The following FCHSD2 variants were observed in gnomAD, a reference collection of about 807,000 sequenced individuals.
FCHSD2 encodes F-BAR and double SH3 domains protein 2.
In FCHSD2, 38 loss-of-function variants were observed where a neutral mutation model predicts 108.1. The ratio of observed to expected loss-of-function variants is 0.35; its 90% CI spans 0.27 to 0.46. The LOEUF is 0.46. Ranked by LOEUF, FCHSD2 falls within the 20% of genes least tolerant of loss-of-function variation. The pLI, the probability that FCHSD2 is intolerant of heterozygous loss-of-function variation, is 1.00. For missense variants in FCHSD2, 751 were observed against 897.8 expected, an observed-to-expected ratio of 0.84 and a Z score of 2.09; for synonymous variants, 279 against 314.7, an observed-to-expected ratio of 0.89 and a Z score of 1.20.
chr11:73,108,703 G>A (rs555868653), intron 2 of FCHSD2, among the ~76,000 whole-genome samples: 1 of 152,178 alleles, frequency 6.6e-6, no homozygotes, highest in Non-Finnish European at 1.5e-5. Flanking sequence ...CGAGTAGCTG[G>A]GACTACAGGC....
chr11:73,107,261 G>C (rs368271488), intron 2 of FCHSD2, among the ~76,000 whole-genome samples: 13 of 152,246 alleles, frequency 8.5e-5, no homozygotes, highest in African/African-American at 2.9e-4. Context: ...CACCATGTTG[G>C]CCAGGATAGT....
chr11:72,873,315 T>A (rs1854902168), intron 12 of FCHSD2, among the ~76,000 whole-genome samples: 2 of 150,350 alleles, frequency 1.3e-5, no homozygotes, highest in Non-Finnish European at 3.0e-5. Flanking sequence ...GGCAATGGTG[T>A]GAGACTCTGT....
intron 13 of FCHSD2, among the ~76,000 whole-genome samples, chr11:72,867,461 T>G (rs1854753217): frequency 6.6e-6 from 1 of 152,178 alleles, no homozygotes; most frequent in East Asian, 1.9e-4. Flanking sequence ...AGAAGAACAT[T>G]CCTTTCACTT....
intron 3 of FCHSD2, among the ~76,000 whole-genome samples, chr11:73,020,324 C>T (rs1477928664): frequency 6.6e-6 from 1 of 152,188 alleles, no homozygotes; most frequent in East Asian, 1.9e-4. Context: ...ATGGCTCTAG[C>T]ACAGGTAATT....
At chr11:72,986,103 G>A (rs559133725) in intron 6 of FCHSD2, among the ~76,000 whole-genome samples, 10 of 152,034 alleles carry the variant, frequency 6.6e-5, no homozygotes, top group Non-Finnish European at 1.2e-4. Flanking sequence ...AAACATTCAG[G>A]GATGAACACA....
intron 2 of FCHSD2, among the ~76,000 whole-genome samples, chr11:73,116,514 A>C (rs2135552375): frequency 6.6e-6 from 1 of 152,280 alleles, no homozygotes; most frequent in South Asian, 2.1e-4. Context: ...GTGCATTATC[A>C]AAAGTCATAA....
intron 2 of FCHSD2, among the ~76,000 whole-genome samples, chr11:73,135,480 A>T (rs1411833558): frequency 1.3e-5 from 2 of 152,232 alleles, no homozygotes; most frequent in Non-Finnish European, 2.9e-5. Context: ...AATTTTTCTT[A>T]ACTAACTCTA....
At chr11:73,130,805 A>C (rs1444007814) in intron 2 of FCHSD2, among the ~76,000 whole-genome samples, 1 of 152,180 alleles carries the variant, frequency 6.6e-6, no homozygotes, top group African/African-American at 2.4e-5. Context: ...TTACATTTAA[A>C]TTTTATTTAG....
intron 3 of FCHSD2, among the ~76,000 whole-genome samples, chr11:73,041,630 T>A (rs577181480): frequency 4.4e-4 from 67 of 152,296 alleles, no homozygotes; most frequent in African/African-American, 1.5e-3. Context: ...GTTTCTTATA[T>A]ATTCTGGATA....
intron 3 of FCHSD2, among the ~76,000 whole-genome samples, chr11:73,026,194 G>T (rs1858225488): frequency 6.6e-6 from 1 of 152,088 alleles, no homozygotes; most frequent in African/African-American, 2.4e-5. Flanking sequence ...GACCAGGATG[G>T]TCTCAAATTC....
chr11:73,021,927 C>T (rs1858118941), intron 3 of FCHSD2, among the ~76,000 whole-genome samples: 1 of 151,908 alleles, frequency 6.6e-6, no homozygotes, highest in African/African-American at 2.4e-5. Context: ...AAAAAATTTT[C>T]CAGGCCTGGT....
intron 9 of FCHSD2, among the ~76,000 whole-genome samples, chr11:72,905,682 T>A (rs542352851): frequency 6.6e-6 from 1 of 151,652 alleles, no homozygotes; most frequent in Non-Finnish European, 1.5e-5. Context: ...AGTGAGAACA[T>A]GCAGTGTTTG....
intron 4 of FCHSD2, among the ~76,000 whole-genome samples, chr11:73,003,697 G>A (rs982023860): frequency 2.4e-4 from 37 of 151,202 alleles, no homozygotes; most frequent in African/African-American, 6.8e-4. Context: ...CGTTTTAGCC[G>A]GGATGGTCTC....
chr11:72,983,051 T>C (rs1327894386), intron 8 of FCHSD2, among the ~76,000 whole-genome samples: 1 of 151,722 alleles, frequency 6.6e-6, no homozygotes, highest in South Asian at 2.1e-4. Context: ...TCCCAGCACT[T>C]TGGGAGGCTG....
chr11:72,840,678 T>A (rs1036899565), intron 19 of FCHSD2, among the ~76,000 whole-genome samples, 199 bp downstream of exon 19: 23 of 152,208 alleles, frequency 1.5e-4, no homozygotes, highest in Non-Finnish European at 4.4e-5. Flanking sequence ...TGAAAAAAGT[T>A]CCAGTGTAGA....
At chr11:72,928,897 G>A (rs918984625) in intron 8 of FCHSD2, among the ~76,000 whole-genome samples, 6 of 138,238 alleles carry the variant, frequency 4.3e-5, no homozygotes, top group African/African-American at 1.4e-4. Flanking sequence ...AACAGTCCCC[G>A]ATGTGTGATG....
chr11:72,923,279 G>A (rs1050665192), intron 8 of FCHSD2, among the ~76,000 whole-genome samples: 3 of 152,080 alleles, frequency 2.0e-5, no homozygotes, highest in African/African-American at 7.2e-5. Flanking sequence ...ACAAGGTTTT[G>A]TTTGAGCACC....
intron 2 of FCHSD2, among the ~76,000 whole-genome samples, chr11:73,125,550 A>T (rs896166005): frequency 6.6e-6 from 1 of 152,124 alleles, no homozygotes; most frequent in Non-Finnish European, 1.5e-5. Flanking sequence ...CTAAGAATTT[A>T]AAAAATTAGC....
Position 72,849,748 on chromosome 11 carries a change from T to TA in FCHSD2, c.1443+6dup. 6.2e-7 allele frequency: 1 copy of TA among 1,604,618 alleles called. No individual in the cohort carries two copies. Among genetic ancestry groups the TA allele is most frequent in the Non-Finnish European group, 8.5e-7 (1 of 1,172,828 alleles). On this transcript the variant is annotated splice_region_variant and intron_variant, in intron 14 of 19. Transcript: ENST00000409418. ...ATTTAATAACATTATGTTGGAGAAA[T>TA]ACAAACCTTGTAGGAATAAACAACT...
Sources: allele counts gnomAD v4.1 joint callset (sites outside exome capture counted in the v4.1 genomes callset), GRCh38; gene constraint gnomAD v4.1.1; transcripts MANE v1.5; gene names NCBI Gene and HGNC (gene_info 2026-07-23, HGNC 2026-07-21).